The following PRR16 variants were observed in gnomAD, a reference collection of about 807,000 sequenced individuals.
PRR16 encodes the protein proline rich 16, also known as protein Largen.
A neutral mutation model predicts 18.2 loss-of-function variants in PRR16; 6 were observed. The observed-to-expected ratio is 0.33, with a 90% confidence interval of 0.18 to 0.65. The LOEUF (loss-of-function observed/expected upper bound fraction) is 0.65. Among genes scored for constraint, PRR16 ranks in the 30% least tolerant of loss-of-function variants. PRR16 has a pLI of 0.74. For missense variants in PRR16, 412 were observed against 376.6 expected, an observed-to-expected ratio of 1.09 and a Z score of -0.78; for synonymous variants, 151 against 147.8, an observed-to-expected ratio of 1.02 and a Z score of -0.16.
At chr5:120,731,591 C>T in the PRR16 span, among the ~76,000 whole-genome samples, 51,530 of 152,032 alleles carry the variant, frequency 0.34, 10,764 homozygotes, top group Middle Eastern at 0.52. Context: ...TTTACCAGCA[C>T]ATCATTGGAT....
At chr5:120,762,055 T>C in the PRR16 span, among the ~76,000 whole-genome samples, 460 of 152,260 alleles carry the variant, frequency 3.0e-3, no homozygotes, top group African/African-American at 0.011. Context: ...AATTTCAGTC[T>C]TTTTTATGGC....
rs1749661045 is a variant in PRR16 at position 120,482,760 on chromosome 5, T to G, written c.159+18115T>G. On this transcript the variant is annotated intron_variant, in intron 1 of 1. Transcript: ENST00000407149. ...TAGCTCCATCAGAGTAAGAACCTTG[T>G]ATGCCTTTTATGTTATTTTACCCTG... 2.0e-5 allele frequency among the ~76,000 whole-genome samples: 3 copies of G among 152,294 alleles called. No homozygotes were observed. In the South Asian group the frequency reaches 6.2e-4, roughly 32 times the overall value.
intron 1 of PRR16, among the ~76,000 whole-genome samples, chr5:120,535,205 G>A (rs527982868): frequency 3.3e-5 from 5 of 151,948 alleles, no homozygotes; most frequent in Admixed American, 1.3e-4. Context: ...ACTGAGTATC[G>A]TCATGAGGAA....
rs553585963 is a variant in PRR16, at chr5:120,563,719, C to T, written c.159+99074C>T. Among the ~76,000 whole-genome samples the T allele has an allele frequency of 2.0e-4, 30 of 152,314 alleles. No individual in the cohort carries two copies. The South Asian group carries it at 5.8e-3, about 29-fold the overall frequency. The stretch of plus-strand genomic sequence containing the variant: ...TGGAGATCCAAATGCCTGCCTATTG[C>T]TCTACCCCACTGTGGCTGAGCTGCT... On this transcript the variant is annotated intron_variant, in intron 1 of 1. Coordinates refer to ENST00000407149, the MANE Select transcript of PRR16 (RefSeq NM_001300783.2).
intron 1 of PRR16, among the ~76,000 whole-genome samples, chr5:120,526,298 A>T (rs1440977486): frequency 6.6e-6 from 1 of 152,178 alleles, no homozygotes; most frequent in Non-Finnish European, 1.5e-5. Flanking sequence ...AAGAACACGA[A>T]TTAGGGCATC....
the PRR16 span, among the ~76,000 whole-genome samples, chr5:120,780,846 T>C: frequency 6.6e-6 from 1 of 152,030 alleles, no homozygotes; most frequent in Non-Finnish European, 1.5e-5. Context: ...GGTCAGGAGA[T>C]CGAGAGCATC....
At chr5:120,779,254 A>G in the PRR16 span, among the ~76,000 whole-genome samples, 1 of 152,206 alleles carries the variant, frequency 6.6e-6, no homozygotes, top group South Asian at 2.1e-4. Flanking sequence ...AAAGGAAATT[A>G]AAAGGAGGAG....
At chr5:120,707,269 A>C in the PRR16 span, among the ~76,000 whole-genome samples, 1 of 152,172 alleles carries the variant, frequency 6.6e-6, no homozygotes, top group Admixed American at 6.5e-5. Context: ...CTAGTCTCCC[A>C]GCTATTACAT....
chr5:120,661,225 C>A (rs1279422958), intron 1 of PRR16, among the ~76,000 whole-genome samples: 3 of 152,026 alleles, frequency 2.0e-5, no homozygotes, highest in Admixed American at 6.6e-5. Flanking sequence ...TTACAGCAAC[C>A]AGATATGACT....
At chr5:120,643,095 A>C (rs1485793971) in intron 1 of PRR16, among the ~76,000 whole-genome samples, 1 of 152,084 alleles carries the variant, frequency 6.6e-6, no homozygotes, top group African/African-American at 2.4e-5. Context: ...TGACATAGTG[A>C]TATGGGCCTT....
chr5:120,569,676 C>T (rs537492833), intron 1 of PRR16, among the ~76,000 whole-genome samples: 11 of 152,136 alleles, frequency 7.2e-5, no homozygotes, highest in Middle Eastern at 3.4e-3. Context: ...AAAAATGCCA[C>T]GGTGTCCTGT....
At chr5:120,774,084 C>G in the PRR16 span, among the ~76,000 whole-genome samples, 1 of 151,892 alleles carries the variant, frequency 6.6e-6, no homozygotes, top group Admixed American at 6.6e-5. Context: ...TTTCCTGTTG[C>G]TATGAAAATA....
intron 1 of PRR16, among the ~76,000 whole-genome samples, chr5:120,505,053 A>G (rs781273477): frequency 2.0e-5 from 3 of 152,164 alleles, no homozygotes; most frequent in South Asian, 2.1e-4. Flanking sequence ...GAATCATGCT[A>G]TATTTCAATC....
At position 120,627,248 on chromosome 5, in the gene PRR16, G is replaced by A. The variant is rs138344972; in HGVS notation, c.160-58706G>A. ...ATGGCCGAGATGTGGCTAGCACTCC[G>A]TTTTCCTCAATGCTAGTCTTATACA... is the stretch of plus-strand genomic sequence containing the variant. On this transcript the variant is annotated intron_variant, in intron 1 of 1. Coordinates refer to ENST00000407149, the MANE Select transcript of PRR16 (RefSeq NM_001300783.2). Among the ~76,000 whole-genome samples, 893 of 152,188 alleles carry A rather than the reference G, an allele frequency of 5.9e-3. 18 individuals are homozygous for A. Among genetic ancestry groups the A allele is most frequent in the African/African-American group, 0.02 (850 of 41,558 alleles).
At chr5:120,474,366 A>T (rs977798555) in intron 1 of PRR16, among the ~76,000 whole-genome samples, 1 of 152,118 alleles carries the variant, frequency 6.6e-6, no homozygotes, top group Non-Finnish European at 1.5e-5. Context: ...CAAAATGTTA[A>T]TGTGACAATG....
intron 1 of PRR16, among the ~76,000 whole-genome samples, chr5:120,684,735 G>A (rs1230226968): frequency 6.6e-6 from 1 of 152,146 alleles, no homozygotes; most frequent in Non-Finnish European, 1.5e-5. Context: ...ACTGAACAGG[G>A]CAGAGACAGT....
chr5:120,702,879 C>G, the PRR16 span, among the ~76,000 whole-genome samples: 1 of 152,146 alleles, frequency 6.6e-6, no homozygotes, highest in African/African-American at 2.4e-5. Context: ...GTAGGTGGAT[C>G]TTTCTCAGGG....
chr5:120,495,317 TG>T (rs1415644380), intron 1 of PRR16, among the ~76,000 whole-genome samples: 1 of 152,126 alleles, frequency 6.6e-6, no homozygotes, highest in Admixed American at 6.5e-5. Context: ...TTTGAGTGAT[TG>T]TAAATACATT....
At position 120,470,269 on chromosome 5, in the gene PRR16, A is replaced by G. The variant is rs544077410; in HGVS notation, c.159+5624A>G. On this transcript the variant is annotated intron_variant, in intron 1 of 1. Transcript: ENST00000407149. ...TGCAAATACAAAGTTAACAAACAAC[A>G]AAGGGCACTATTAAAAAAATCAAAT... Among the ~76,000 whole-genome samples, 35 of 152,276 alleles carry G rather than the reference A, an allele frequency of 2.3e-4. No individual in the cohort carries two copies. The East Asian group carries it at 5.6e-3, about 24-fold the overall frequency.
Sources: gnomAD v4.1 joint callset for allele counts (sites outside exome capture counted in the v4.1 genomes callset) on GRCh38, gnomAD v4.1.1 for gene constraint, MANE v1.5 for transcripts, NCBI Gene and HGNC (gene_info 2026-07-23, HGNC 2026-07-21) for gene names.